ARMH3: variants seen among roughly 807,000 people sequenced by gnomAD.
ARMH3 encodes the protein armadillo like helical domain containing 3, also known as armadillo-like helical domain-containing protein 3.
Under a neutral mutation model 99.1 loss-of-function variants are expected in ARMH3, and 60 were observed. That is an observed-to-expected ratio of 0.61 (90% CI 0.49 to 0.75). The LOEUF is 0.75. ARMH3 is among the 30% of genes least tolerant of loss of function. The pLI is 0.00. For synonymous variants in ARMH3, 285 were observed against 292.8 expected, an observed-to-expected ratio of 0.97 and a Z score of 0.27; for missense variants, 679 against 843.1, an observed-to-expected ratio of 0.81 and a Z score of 2.41.
intron 23 of ARMH3, among the ~76,000 whole-genome samples, chr10:101,924,132 G>T (rs887435614): frequency 2.6e-5 from 4 of 152,116 alleles, no homozygotes; most frequent in African/African-American, 9.7e-5. Flanking sequence ...CAAATACACA[G>T]AATGACATAA....
rs2067176520 is a variant in ARMH3, at chr10:102,033,280, T to C, written c.159+3A>G. On this transcript the variant is annotated splice_donor_region_variant and intron_variant, in intron 3 of 25. Transcript: ENST00000370033. ...AAATTCCACAGATGCCACCAACTCT[T>C]ACCTTCATGAGAAAGAGCTCCTCCC... 3 of 1,614,108 alleles carry C rather than the reference T, an allele frequency of 1.9e-6. No homozygotes were observed. The highest frequency in any genetic ancestry group is 2.2e-5 in the East Asian group (1 of 44,886).
intron 23 of ARMH3, among the ~76,000 whole-genome samples, chr10:101,913,745 G>A (rs574903756): frequency 7.7e-4 from 118 of 152,294 alleles, no homozygotes; most frequent in Non-Finnish European, 4.7e-4. Flanking sequence ...GGTTTGGTGC[G>A]TAAAGTGGTC....
chr10:101,936,941 T>C (rs1403931374), intron 23 of ARMH3, among the ~76,000 whole-genome samples: 1 of 152,208 alleles, frequency 6.6e-6, no homozygotes, highest in Non-Finnish European at 1.5e-5. Context: ...CATTATATAA[T>C]TCTCACAACT....
intron 18 of ARMH3, among the ~76,000 whole-genome samples, chr10:101,990,988 C>T: frequency 6.6e-6 from 1 of 152,206 alleles, no homozygotes; most frequent in East Asian, 1.9e-4. Context: ...TTATGGATCA[C>T]ATTTGTGTAA....
Position 101,901,561 on chromosome 10 carries a change from A to G in ARMH3, c.1782-12071T>C, listed in dbSNP as rs149768366. ...TGCTCACCCACCCACTGTGACAGAG[A>G]GCTTCGCCCTTCTCGTCAGCTCTGA... On this transcript the variant is annotated intron_variant, in intron 23 of 25. Transcript: ENST00000370033. Among the ~76,000 whole-genome samples the G allele has an allele frequency of 2.6e-5, 4 of 152,164 alleles. No individual in the cohort carries two copies. The East Asian group carries it at 5.8e-4, about 22-fold the overall frequency.
rs186138299 is a variant in ARMH3, at chr10:101,972,150, C to G, written c.1495+3062G>C. On this transcript the variant is annotated intron_variant, in intron 20 of 25. Transcript: ENST00000370033. ...GGCAAGATTGAACCCCCAACTAATA[C>G]AGCTGACTCCTCCTTGTCCATAAGA... is the stretch of plus-strand genomic sequence containing the variant. Among the ~76,000 whole-genome samples the G allele has an allele frequency of 3.9e-5, 6 of 152,316 alleles. No homozygotes were observed. In the East Asian group the frequency reaches 1.2e-3, roughly 29 times the overall value.
intron 2 of ARMH3, among the ~76,000 whole-genome samples, chr10:102,037,698 A>G (rs1286941885): frequency 6.6e-6 from 1 of 151,994 alleles, no homozygotes; most frequent in Admixed American, 6.6e-5. Context: ...TCAGCCTCCT[A>G]TAGTAGCTAG....
intron 23 of ARMH3, among the ~76,000 whole-genome samples, chr10:101,938,907 A>C (rs1424870816): frequency 2.6e-5 from 4 of 152,148 alleles, no homozygotes; most frequent in African/African-American, 9.7e-5. Flanking sequence ...TTAACACACA[A>C]ATTTCACACT....
chr10:101,867,017 G>A (rs1159404530), intron 24 of ARMH3, among the ~76,000 whole-genome samples: 2 of 152,202 alleles, frequency 1.3e-5, no homozygotes, highest in African/African-American at 2.4e-5. Flanking sequence ...TAGTAAGGAA[G>A]GAAAGTGACC....
chr10:101,984,897 C>T (rs902490308), intron 19 of ARMH3, among the ~76,000 whole-genome samples: 1 of 151,762 alleles, frequency 6.6e-6, no homozygotes, highest in Non-Finnish European at 1.5e-5. Flanking sequence ...GGTGAAACCC[C>T]GTCTCTACCA....
At chr10:101,910,219 C>T (rs534838267) in intron 23 of ARMH3, among the ~76,000 whole-genome samples, 1 of 152,294 alleles carries the variant, frequency 6.6e-6, no homozygotes, top group Admixed American at 6.5e-5. Context: ...AGAATTACAA[C>T]CAAACTGACC....
intron 1 of ARMH3, among the ~76,000 whole-genome samples, chr10:102,051,810 G>A (rs941059762): frequency 6.6e-6 from 1 of 152,212 alleles, no homozygotes; most frequent in Non-Finnish European, 1.5e-5. Context: ...GGTCCCATCA[G>A]CATCTACTCA....
intron 2 of ARMH3, among the ~76,000 whole-genome samples, chr10:102,033,858 AAAT>A (rs1383042123): frequency 2.6e-5 from 4 of 152,364 alleles, no homozygotes; most frequent in Non-Finnish European, 5.9e-5. Flanking sequence ...ACCAAAAGTT[AAAT>A]AATAGCTCAA....
At chr10:101,883,055 C>T (rs746453787) in intron 24 of ARMH3, among the ~76,000 whole-genome samples, 14 of 152,152 alleles carry the variant, frequency 9.2e-5, no homozygotes, top group South Asian at 2.1e-4. Context: ...AGACCTCTAG[C>T]ACGTACGTGG....
At chr10:102,008,550 GTTTTT>G (rs1298053386) in intron 13 of ARMH3, among the ~76,000 whole-genome samples, 3 of 151,040 alleles carry the variant, frequency 2.0e-5, no homozygotes, top group East Asian at 3.9e-4. Flanking sequence ...GTTATGTTTT[GTTTTT>G]ATTTTATTTT....
chr10:101,866,837 C>T (rs1216800543), intron 24 of ARMH3, among the ~76,000 whole-genome samples: 1 of 152,140 alleles, frequency 6.6e-6, no homozygotes, highest in African/African-American at 2.4e-5. Flanking sequence ...CAAGAGGCAA[C>T]AGATGAATTT....
At chr10:101,951,397 T>G (rs1433658182) in intron 22 of ARMH3, among the ~76,000 whole-genome samples, 1 of 151,570 alleles carries the variant, frequency 6.6e-6, no homozygotes, top group African/African-American at 2.4e-5. Context: ...TAGGGCAACC[T>G]CATCTATACA....
chr10:102,051,845 A>G (rs1255388784), intron 1 of ARMH3, among the ~76,000 whole-genome samples: 1 of 152,204 alleles, frequency 6.6e-6, no homozygotes, highest in Non-Finnish European at 1.5e-5. Context: ...ACAAATGATC[A>G]ATGAAGATGA....
At chr10:101,892,067 G>T (rs191944493) in intron 23 of ARMH3, among the ~76,000 whole-genome samples, 1 of 152,050 alleles carries the variant, frequency 6.6e-6, no homozygotes. Context: ...AGCCAAGATT[G>T]TGCCACTGCA....
Sources: allele counts gnomAD v4.1 joint callset (sites outside exome capture counted in the v4.1 genomes callset), GRCh38; gene constraint gnomAD v4.1.1; transcripts MANE v1.5; gene names NCBI Gene and HGNC (gene_info 2026-07-23, HGNC 2026-07-21).